DENND1A: variants seen among roughly 807,000 people sequenced by gnomAD.
DENND1A encodes the protein DENN domain containing 1A.
A neutral mutation model predicts 113.7 loss-of-function variants in DENND1A; 51 were observed. The observed-to-expected ratio is 0.45, with a 90% CI of 0.36 to 0.57. The LOEUF is 0.57. Among genes scored for constraint, DENND1A ranks in the 20% least tolerant of loss-of-function variants. DENND1A has a pLI of 0.00. For missense variants in DENND1A, 1,258 were observed against 1,395.9 expected (o/e 0.90, Z 1.57); for synonymous variants, 565 against 570.8 (o/e 0.99, Z 0.14).
At chr9:123,425,185 C>T (rs1179731340) in intron 19 of DENND1A, among the ~76,000 whole-genome samples, 2 of 152,242 alleles carry the variant, frequency 1.3e-5, no homozygotes, top group Non-Finnish European at 1.5e-5. Context: ...AACTCCCCAC[C>T]TCTGGCACAG....
At chr9:123,443,333 G>T (rs1459630551) in intron 18 of DENND1A, among the ~76,000 whole-genome samples, 1 of 152,172 alleles carries the variant, frequency 6.6e-6, no homozygotes, top group Non-Finnish European at 1.5e-5. Flanking sequence ...TCTTATTTTT[G>T]TATCTCTATC....
At chr9:123,923,268 G>A (rs1209315839) in intron 1 of DENND1A, among the ~76,000 whole-genome samples, 1 of 152,220 alleles carries the variant, frequency 6.6e-6, no homozygotes, top group Admixed American at 6.5e-5. Flanking sequence ...GAGTGATGGA[G>A]TAGCACCAAC....
chr9:123,668,945 TGTG>T lies in DENND1A; in HGVS notation c.454-1869_454-1867del, dbSNP rs534935663. ...AGTTTAGTTGAGTAACAAATGGCCA[TGTG>T]GTGATTATGTAGCTCAGCAAATTCA... On this transcript the variant is annotated intron_variant, in intron 7 of 23. Coordinates refer to ENST00000394215, the MANE Select transcript of DENND1A (RefSeq NM_001352964.2). Among the ~76,000 whole-genome samples the T allele has an allele frequency of 1.6e-3, 249 of 152,332 alleles. 1 individual carries two copies. Among genetic ancestry groups the T allele is most frequent in the Non-Finnish European group, 3.2e-3 (216 of 68,014 alleles).
At chr9:123,901,443 C>T (rs950491917) in intron 1 of DENND1A, among the ~76,000 whole-genome samples, 1 of 152,160 alleles carries the variant, frequency 6.6e-6, no homozygotes, top group African/African-American at 2.4e-5. Flanking sequence ...CCACACTCTG[C>T]GATTCCCAAA....
chr9:123,717,687 T>C (rs1244044361), intron 5 of DENND1A, among the ~76,000 whole-genome samples: 1 of 152,258 alleles, frequency 6.6e-6, no homozygotes, highest in Non-Finnish European at 1.5e-5. Context: ...TTATATCTTG[T>C]TCACATTTAT....
intron 5 of DENND1A, among the ~76,000 whole-genome samples, chr9:123,687,795 T>C (rs1406042872): frequency 1.3e-5 from 2 of 152,230 alleles, no homozygotes; most frequent in African/African-American, 4.8e-5. Flanking sequence ...TGCCATGGGA[T>C]TCTGTCTGGC....
chr9:123,929,362 G>A (rs558681915), intron 1 of DENND1A, among the ~76,000 whole-genome samples: 1 of 152,270 alleles, frequency 6.6e-6, no homozygotes, highest in South Asian at 2.1e-4. Context: ...TAAGAGGGGG[G>A]AAATAGAGAG....
intron 2 of DENND1A, among the ~76,000 whole-genome samples, chr9:123,849,947 G>T (rs1359584788): frequency 1.3e-5 from 2 of 152,208 alleles, no homozygotes; most frequent in Admixed American, 6.5e-5. Context: ...GAATTGCTGC[G>T]ATCTCATGAT....
intron 2 of DENND1A, among the ~76,000 whole-genome samples, chr9:123,827,393 A>T (rs10986113): frequency 1.8e-5 from 1 of 56,722 alleles, no homozygotes; most frequent in Non-Finnish European, 3.0e-5. Flanking sequence ...TGGATATATA[A>T]TATATATATA....
intron 1 of DENND1A, among the ~76,000 whole-genome samples, chr9:123,915,929 C>T (rs1051601311): frequency 1.3e-5 from 2 of 152,068 alleles, no homozygotes; most frequent in African/African-American, 4.8e-5. Context: ...CAAGCATTCT[C>T]GTGTGGGAAT....
intron 1 of DENND1A, among the ~76,000 whole-genome samples, chr9:123,913,113 T>TAAAAAAAAAAAACAAAAAAAAAAAA (rs1854347291): frequency 1.2e-5 from 1 of 86,712 alleles, no homozygotes; most frequent in Non-Finnish European, 2.3e-5. Context: ...AAAGACAGTT[T>TAAAAAAAAAAAACAAAAAAAAAAAA]AAAAAAAAAA....
chr9:123,477,406 T>TTA (rs60787311), intron 13 of DENND1A, among the ~76,000 whole-genome samples: 1 of 151,524 alleles, frequency 6.6e-6, no homozygotes, highest in African/African-American at 2.4e-5. Context: ...TTTTTTTTTT[T>TTA]AATTAGCTGG....
At chr9:123,670,583 T>C (rs1310811996) in intron 7 of DENND1A, among the ~76,000 whole-genome samples, 10 of 152,172 alleles carry the variant, frequency 6.6e-5, no homozygotes, top group Non-Finnish European at 1.0e-4. Context: ...CAGAGCACAG[T>C]GCAGAACATG....
intron 5 of DENND1A, among the ~76,000 whole-genome samples, chr9:123,717,151 C>G (rs2067026866): frequency 6.6e-6 from 1 of 152,146 alleles, no homozygotes; most frequent in African/African-American, 2.4e-5. Context: ...ATACTACTAT[C>G]AGATCTGGTC....
intron 21 of DENND1A, among the ~76,000 whole-genome samples, chr9:123,391,350 G>A (rs990008368): frequency 6.6e-6 from 1 of 152,202 alleles, no homozygotes; most frequent in African/African-American, 2.4e-5. Flanking sequence ...CAGGCCACAT[G>A]GATGGCGATA....
At chr9:123,560,918 C>T (rs780125620) in intron 12 of DENND1A, among the ~76,000 whole-genome samples, 10 of 152,134 alleles carry the variant, frequency 6.6e-5, no homozygotes, top group Non-Finnish European at 1.2e-4. Flanking sequence ...CAATGCAGGC[C>T]ACTCAGCACC....
At position 123,568,779 on chromosome 9, in the gene DENND1A, A is replaced by T. The variant is rs187369607; in HGVS notation, c.868-11084T>A. 1.7e-4 allele frequency among the ~76,000 whole-genome samples: 26 copies of T among 152,220 alleles called. No homozygotes were observed. In the East Asian group the frequency reaches 5.0e-3, roughly 29 times the overall value. On this transcript the variant is annotated intron_variant, in intron 12 of 23. Transcript: ENST00000394215. ...AGATATCTCCCAAGGGGATCCGGGCATCTCCACCTCCTCAGGGGAGGAAAA... is the reference window on the plus strand; with the variant it reads ...AGATATCTCCCAAGGGGATCCGGGCTTCTCCACCTCCTCAGGGGAGGAAAA...
chr9:123,496,953 C>G (rs1474453666), intron 13 of DENND1A, among the ~76,000 whole-genome samples: 1 of 152,182 alleles, frequency 6.6e-6, no homozygotes, highest in Non-Finnish European at 1.5e-5. Context: ...CAAATCTGGA[C>G]CCTGTCTGTT....
intron 19 of DENND1A, among the ~76,000 whole-genome samples, chr9:123,419,826 C>T (rs548003989): frequency 3.4e-4 from 52 of 152,360 alleles, no homozygotes; most frequent in South Asian, 1.9e-3. Context: ...CAGCGCCCAT[C>T]GCTGTCTCCG....
Sources: gnomAD v4.1 joint callset for allele counts (sites outside exome capture counted in the v4.1 genomes callset) on GRCh38, gnomAD v4.1.1 for gene constraint, MANE v1.5 for transcripts, NCBI Gene and HGNC (gene_info 2026-07-23, HGNC 2026-07-21) for gene names.